WDFY4: variants seen among roughly 807,000 people sequenced by gnomAD.
WDFY4 encodes the protein WD repeat- and FYVE domain-containing protein 4.
WDFY4 carries 169 observed loss-of-function variants against 351.9 expected under a neutral mutation model. That is an observed-to-expected ratio of 0.48 (90% CI 0.42 to 0.55). The LOEUF is 0.55. Among genes scored for constraint, WDFY4 ranks in the 20% least tolerant of loss-of-function variants. WDFY4 has a pLI of 0.00. For synonymous variants in WDFY4, 1,622 were observed against 1,574.6 expected (o/e 1.03, Z -0.71); for missense variants, 3,803 against 3,935.6 (o/e 0.97, Z 0.90).
intron 1 of WDFY4, among the ~76,000 whole-genome samples, chr10:48,704,997 G>A (rs2063587384): frequency 6.6e-6 from 1 of 152,198 alleles, no homozygotes; most frequent in African/African-American, 2.4e-5. Flanking sequence ...TTACAAATGA[G>A]GACCATGAGG....
rs2068047211 is a variant in WDFY4 at position 48,827,551 on chromosome 10, C to T, written c.6221+642C>T. Among the ~76,000 whole-genome samples the T allele has an allele frequency of 3.4e-5, 5 of 147,790 alleles. No individual in the cohort carries two copies. In the South Asian group the frequency reaches 9.0e-4, roughly 27 times the overall value. ...CTCTCTCCGTGTCAGTGTGCATGAA[C>T]CACATTCTCCAGCATCTCAGCATCC... On this transcript the variant is annotated intron_variant, in intron 36 of 61. Coordinates refer to ENST00000325239, the MANE Select transcript of WDFY4 (RefSeq NM_001394531.1).
chr10:48,712,441 A>G (rs1460859351), intron 2 of WDFY4, among the ~76,000 whole-genome samples: 1 of 152,194 alleles, frequency 6.6e-6, no homozygotes, highest in African/African-American at 2.4e-5. Context: ...GATCCCTGGA[A>G]CCCACCTCTG....
chr10:48,787,222 A>G (rs1191770211), intron 20 of WDFY4, among the ~76,000 whole-genome samples: 1 of 152,252 alleles, frequency 6.6e-6, no homozygotes, highest in Admixed American at 6.5e-5. Context: ...ACAGGCAGAC[A>G]AAACATCCAC....
At chr10:48,790,118 T>A (rs939344228) in intron 22 of WDFY4, 133 bp downstream of exon 22, 5 of 821,284 alleles carry the variant, frequency 6.1e-6, no homozygotes, top group Non-Finnish European at 1.0e-5. Flanking sequence ...AGGACCAGAG[T>A]TGGGAGTGAA....
In WDFY4 at chr10:48,947,047, T is replaced by C. The variant is rs1429074880; in HGVS notation, c.7977+78T>C. 8 of 1,213,814 alleles carry C rather than the reference T, an allele frequency of 6.6e-6. No individual in the cohort carries two copies. The South Asian group carries it at 8.1e-5, about 12-fold the overall frequency. The allele number at this position is 1,213,814 out of a possible 1,614,324, so 75.2% of individuals were successfully genotyped here. ...ACGCCTGTATCACAAGACTAAGACC[T>C]GTGCTTGAACAAAGACAGGATGCCT... On this transcript the variant is annotated intron_variant, in intron 51 of 61. Transcript: ENST00000325239.
At chr10:48,938,670 C>T (rs1452663528) in intron 47 of WDFY4, among the ~76,000 whole-genome samples, 4 of 152,156 alleles carry the variant, frequency 2.6e-5, no homozygotes, top group Non-Finnish European at 5.9e-5. Context: ...GTAGGGAAGG[C>T]CCTAAGGCCA....
intron 43 of WDFY4, among the ~76,000 whole-genome samples, chr10:48,885,389 C>G (rs929821903): frequency 6.6e-6 from 1 of 152,228 alleles, no homozygotes; most frequent in Non-Finnish European, 1.5e-5. Flanking sequence ...CCTTAGTGAA[C>G]ACAGGTTATG....
chr10:48,915,428 T>TG (rs1838429481), intron 47 of WDFY4, among the ~76,000 whole-genome samples: 2 of 151,288 alleles, frequency 1.3e-5, no homozygotes, highest in Admixed American at 1.3e-4. Context: ...TTTTTTTTTT[T>TG]GGACCAAGAT....
intron 36 of WDFY4, among the ~76,000 whole-genome samples, chr10:48,828,115 C>T (rs2068065870): frequency 6.6e-6 from 1 of 152,154 alleles, no homozygotes; most frequent in African/African-American, 2.4e-5. Flanking sequence ...AATCCATGAA[C>T]ATTTACTGAG....
At chr10:48,785,090 G>C (rs976663032) in intron 19 of WDFY4, among the ~76,000 whole-genome samples, 1 of 151,844 alleles carries the variant, frequency 6.6e-6, no homozygotes, top group African/African-American at 2.4e-5. Flanking sequence ...TCGATCTCCT[G>C]ACCTCGTGAT....
chr10:48,841,793 G>A (rs2068616034), intron 39 of WDFY4, among the ~76,000 whole-genome samples: 1 of 152,172 alleles, frequency 6.6e-6, no homozygotes, highest in South Asian at 2.1e-4. Flanking sequence ...CTTAGATTAG[G>A]GGTCTTCCTG....
chr10:48,721,167 C>T, intron 3 of WDFY4, 94 bp from the exon 4 acceptor site: 1 of 1,231,676 alleles, frequency 8.1e-7, no homozygotes, highest in Non-Finnish European at 1.2e-6. Context: ...TCTACAGATG[C>T]TCAGGCACAT....
At chr10:48,953,269 C>T (rs935339926) in intron 51 of WDFY4, among the ~76,000 whole-genome samples, 5 of 151,882 alleles carry the variant, frequency 3.3e-5, no homozygotes, top group African/African-American at 7.3e-5. Flanking sequence ...TTTGGCACCT[C>T]TTTCTATGTG....
At chr10:48,949,597 G>A (rs978408203) in intron 51 of WDFY4, among the ~76,000 whole-genome samples, 1 of 152,164 alleles carries the variant, frequency 6.6e-6, no homozygotes, top group South Asian at 2.1e-4. Flanking sequence ...AGCAGCCCAA[G>A]GCACTACTCC....
intron 51 of WDFY4, among the ~76,000 whole-genome samples, chr10:48,949,931 G>A (rs892021386): frequency 6.6e-6 from 1 of 152,120 alleles, no homozygotes; most frequent in South Asian, 2.1e-4. Context: ...AGGCCTTTCC[G>A]TAACAGCTCC....
At chr10:48,889,008 A>G (rs1162238101) in intron 43 of WDFY4, among the ~76,000 whole-genome samples, 1 of 152,234 alleles carries the variant, frequency 6.6e-6, no homozygotes, top group Non-Finnish European at 1.5e-5. Flanking sequence ...AGCCTGGCTC[A>G]GTGCCTGCCA....
Position 48,843,839 on chromosome 10 carries a change from T to TTA in WDFY4, c.6663+11132_6663+11133dup, listed in dbSNP as rs545617081. 2.4e-4 allele frequency among the ~76,000 whole-genome samples: 36 copies of TTA among 152,352 alleles called. No individual in the cohort carries two copies. In the East Asian group the frequency reaches 6.9e-3, roughly 29 times the overall value. ...AGGAGATGTTTTTAATTTTTAAAAA[T>TTA]TATGAGTTATGAGGAAACACATTTT... On this transcript the variant is annotated intron_variant, in intron 39 of 61. Coordinates refer to ENST00000325239, the MANE Select transcript of WDFY4 (RefSeq NM_001394531.1).
At chr10:48,766,353 G>C (rs775286042) in intron 13 of WDFY4, among the ~76,000 whole-genome samples, 42 of 152,322 alleles carry the variant, frequency 2.8e-4, no homozygotes, top group South Asian at 1.7e-3. Context: ...CACTTTGGGA[G>C]TCCAAGGCAG....
intron 25 of WDFY4, 80 bp from the exon 26 acceptor site, chr10:48,805,180 A>G: frequency 1.4e-6 from 2 of 1,478,174 alleles, no homozygotes; most frequent in South Asian, 2.6e-5. Context: ...GCCTGGCTTG[A>G]AAAACCTTTT....
Sources: gnomAD v4.1 joint callset for allele counts (sites outside exome capture counted in the v4.1 genomes callset) on GRCh38, gnomAD v4.1.1 for gene constraint, MANE v1.5 for transcripts, NCBI Gene and HGNC (gene_info 2026-07-23, HGNC 2026-07-21) for gene names.